The following DLG2 variants were observed in gnomAD, a reference collection of about 807,000 sequenced individuals.
DLG2 encodes disks large homolog 2.
Under a neutral mutation model 132.5 loss-of-function variants are expected in DLG2, and 45 were observed. The ratio of observed to expected loss-of-function variants is 0.34; its 90% CI spans 0.27 to 0.44. The LOEUF (loss-of-function observed/expected upper bound fraction) is 0.44. Ranked by LOEUF, DLG2 falls within the 20% of genes least tolerant of loss-of-function variation. DLG2 has a pLI of 1.00. For synonymous variants in DLG2, 424 were observed against 419.6 expected, an observed-to-expected ratio of 1.01 and a Z score of -0.13; for missense variants, 1,045 against 1,196.9, an observed-to-expected ratio of 0.87 and a Z score of 1.87.
At chr11:85,265,616 G>A (rs771021094) in intron 4 of DLG2, among the ~76,000 whole-genome samples, 11 of 152,216 alleles carry the variant, frequency 7.2e-5, no homozygotes, top group Non-Finnish European at 1.2e-4. Context: ...CCCAAAGTGA[G>A]AACTTCTATT....
At chr11:84,449,687 T>C (rs1489805938) in intron 7 of DLG2, among the ~76,000 whole-genome samples, 2 of 151,934 alleles carry the variant, frequency 1.3e-5, no homozygotes, top group Non-Finnish European at 2.9e-5. Context: ...TTACATACTA[T>C]CTTTATTGTT....
At chr11:85,591,336 T>C (rs779382913) in intron 3 of DLG2, among the ~76,000 whole-genome samples, 1 of 152,226 alleles carries the variant, frequency 6.6e-6, no homozygotes, top group African/African-American at 2.4e-5. Flanking sequence ...TTTAAAAGCA[T>C]AAATATCAAG....
chr11:83,466,032 A>T (rs2090967178), intron 26 of DLG2, among the ~76,000 whole-genome samples: 1 of 152,216 alleles, frequency 6.6e-6, no homozygotes, highest in Admixed American at 6.5e-5. Context: ...TTATTTCACA[A>T]GTCCTTTGGA....
intron 16 of DLG2, among the ~76,000 whole-genome samples, chr11:83,852,155 T>C (rs777303176): frequency 2.6e-5 from 4 of 152,176 alleles, no homozygotes; most frequent in African/African-American, 9.7e-5. Flanking sequence ...TGAGAGACAA[T>C]ACATTTCTGT....
At chr11:84,490,226 AT>A (rs2099161294) in intron 7 of DLG2, among the ~76,000 whole-genome samples, 2 of 152,142 alleles carry the variant, frequency 1.3e-5, no homozygotes, top group Admixed American at 1.3e-4. Flanking sequence ...TGTTGTGAGG[AT>A]TAAGTAAGAT....
chr11:85,304,449 G>T (rs1180882311), intron 3 of DLG2, among the ~76,000 whole-genome samples: 1 of 152,034 alleles, frequency 6.6e-6, no homozygotes, highest in African/African-American at 2.4e-5. Context: ...GAAGGTCCAA[G>T]AATTTTAATT....
At chr11:84,891,143 C>T (rs2089316424) in intron 6 of DLG2, among the ~76,000 whole-genome samples, 1 of 152,138 alleles carries the variant, frequency 6.6e-6, no homozygotes, top group Admixed American at 6.6e-5. Context: ...TGGCATCCTA[C>T]CTGTACTTTA....
At chr11:85,030,951 T>C (rs2060948170) in intron 6 of DLG2, among the ~76,000 whole-genome samples, 1 of 152,008 alleles carries the variant, frequency 6.6e-6, no homozygotes, top group South Asian at 2.1e-4. Context: ...TTTTAAAATC[T>C]TTTAAATTTT....
chr11:83,842,841 A>AATTACTACT (rs1044049988), intron 16 of DLG2, among the ~76,000 whole-genome samples: 1 of 151,498 alleles, frequency 6.6e-6, no homozygotes, highest in African/African-American at 2.4e-5. Flanking sequence ...AAAGAAGGAA[A>AATTACTACT]ATTACTACTT....
intron 3 of DLG2, among the ~76,000 whole-genome samples, chr11:85,461,093 T>A (rs1353866757): frequency 6.6e-6 from 1 of 152,202 alleles, no homozygotes; most frequent in African/African-American, 2.4e-5. Context: ...GAAACAGCAA[T>A]CATTTTAACT....
chr11:85,521,673 C>G (rs1247368095), intron 3 of DLG2, among the ~76,000 whole-genome samples: 1 of 152,254 alleles, frequency 6.6e-6, no homozygotes, highest in Non-Finnish European at 1.5e-5. Context: ...ACAAAATGCT[C>G]ATGGACCTGC....
chr11:84,224,684 T>A (rs1239949560), intron 8 of DLG2, among the ~76,000 whole-genome samples: 3 of 152,174 alleles, frequency 2.0e-5, no homozygotes, highest in Non-Finnish European at 4.4e-5. Flanking sequence ...GAACCTAAAT[T>A]CAAATCCCTG....
chr11:84,937,835 A>C (rs1023911784), intron 6 of DLG2, among the ~76,000 whole-genome samples: 1 of 152,208 alleles, frequency 6.6e-6, no homozygotes, highest in Non-Finnish European at 1.5e-5. Flanking sequence ...ACATACTAGA[A>C]ATATGACTAG....
chr11:85,335,754 T>C (rs1256925943), intron 3 of DLG2, among the ~76,000 whole-genome samples: 1 of 147,352 alleles, frequency 6.8e-6, no homozygotes, highest in Admixed American at 6.7e-5. Context: ...TGAGAACACA[T>C]GGAGATGGGG....
chr11:83,808,714 T>G (rs2046529731), intron 17 of DLG2, among the ~76,000 whole-genome samples: 1 of 152,168 alleles, frequency 6.6e-6, no homozygotes, highest in Non-Finnish European at 1.5e-5. Flanking sequence ...TGTTTTCTCT[T>G]TTGTCAAACT....
At chr11:84,485,741 T>A (rs1191412111) in intron 7 of DLG2, among the ~76,000 whole-genome samples, 3 of 152,160 alleles carry the variant, frequency 2.0e-5, no homozygotes, top group Non-Finnish European at 2.9e-5. Flanking sequence ...AGGCATATAA[T>A]TGGGTACTCA....
intron 12 of DLG2, among the ~76,000 whole-genome samples, chr11:83,966,874 C>T (rs921431438): frequency 1.3e-5 from 2 of 151,940 alleles, no homozygotes; most frequent in Non-Finnish European, 2.9e-5. Flanking sequence ...ACTTTTTATC[C>T]TTTCATCTGT....
intron 6 of DLG2, among the ~76,000 whole-genome samples, chr11:84,929,572 T>C (rs1039262748): frequency 1.3e-5 from 2 of 152,114 alleles, no homozygotes; most frequent in Non-Finnish European, 2.9e-5. Flanking sequence ...AGCACTGCTA[T>C]CAGTGACACA....
chr11:84,279,323 A>C (rs2097825388), intron 7 of DLG2, among the ~76,000 whole-genome samples: 1 of 152,154 alleles, frequency 6.6e-6, no homozygotes, highest in Non-Finnish European at 1.5e-5. Flanking sequence ...TGCTGGAGAG[A>C]ATGTGGAGAA....
Sources: allele counts gnomAD v4.1 joint callset (sites outside exome capture counted in the v4.1 genomes callset), GRCh38; gene constraint gnomAD v4.1.1; transcripts MANE v1.5; gene names NCBI Gene and HGNC (gene_info 2026-07-23, HGNC 2026-07-21).